Variants in FGFR1 observed in about 807,000 individuals in gnomAD.
The protein encoded by FGFR1 is FGFR1/PLAG1 fusion.
In FGFR1, 18 loss-of-function variants were observed where a neutral mutation model predicts 93.7. The ratio of observed to expected loss-of-function variants is 0.19; its 90% CI spans 0.13 to 0.28. FGFR1 has a LOEUF of 0.28. Ranked by LOEUF, FGFR1 falls within the 10% of genes least tolerant of loss-of-function variation. FGFR1 has a pLI of 1.00. For missense variants in FGFR1, 731 were observed against 1,080.4 expected (o/e 0.68, Z 4.53); for synonymous variants, 448 against 429.3 (o/e 1.04, Z -0.54).
intron 13 of FGFR1, 134 bp from the exon 14 acceptor site, chr8:38,415,035 G>T: frequency 1.5e-6 from 1 of 681,364 alleles, no homozygotes; most frequent in Non-Finnish European, 2.5e-6. Flanking sequence ...CCGAACCTTT[G>T]CTTTCCCTCT....
intron 2 of FGFR1, among the ~76,000 whole-genome samples, chr8:38,455,419 T>C (rs898679508): frequency 6.6e-6 from 1 of 151,938 alleles, no homozygotes; most frequent in African/African-American, 2.4e-5. Context: ...GGAGCTGGAG[T>C]AGCTGGGACT....
chr8:38,424,435 A>G lies in FGFR1; in HGVS notation c.936+74T>C. On this transcript the variant is annotated intron_variant, in intron 7 of 17. Coordinates refer to ENST00000447712, the MANE Select transcript of FGFR1 (RefSeq NM_023110.3). This position sits in a 1 kb window ranked among gnomAD's most constrained non-coding sequence, Gnocchi z 4.3. The stretch of plus-strand genomic sequence containing the variant: ...CATTCGGGGGCAACTGAGCCTGCCC[A>G]CAGGAACTTGAGCCCCCGAGACAGT... The G allele has an allele frequency of 1.9e-6, 3 of 1,558,222 alleles. No homozygotes were observed. The highest frequency in any genetic ancestry group is 2.7e-6 in the Non-Finnish European group (3 of 1,129,678).
At chr8:38,440,271 C>G in intron 2 of FGFR1, 1 of 1,579,112 alleles carries the variant, frequency 6.3e-7, no homozygotes, top group Non-Finnish European at 8.6e-7. Context: ...TTTTTTATTA[C>G]GTATTTTGGC....
At chr8:38,442,061 G>GACT (rs1827668473) in intron 2 of FGFR1, among the ~76,000 whole-genome samples, 1 of 152,138 alleles carries the variant, frequency 6.6e-6, no homozygotes, top group Non-Finnish European at 1.5e-5. Flanking sequence ...TTAAGACTGT[G>GACT]ACTAGCAACT....
At chr8:38,462,595 T>C (rs1038874854) in intron 1 of FGFR1, among the ~76,000 whole-genome samples, 1 of 152,178 alleles carries the variant, frequency 6.6e-6, no homozygotes, top group African/African-American at 2.4e-5. Context: ...ACTCATGTTA[T>C]AATGTTATAT....
chr8:38,467,619 G>C (rs1835834523), intron 1 of FGFR1: 1 of 235,072 alleles, frequency 4.3e-6, no homozygotes, highest in East Asian at 6.0e-5. Context: ...CCCAGTCCAG[G>C]AAACCGCGGG....
At chr8:38,419,798 C>G (rs2150719421) in intron 8 of FGFR1, 63 bp from the exon 9 acceptor site, 1 of 1,457,448 alleles carries the variant, frequency 6.9e-7, no homozygotes, top group Non-Finnish European at 9.5e-7. Flanking sequence ...AGGTCCCGCT[C>G]CATTAGAAAA....
rs2150717509 is a variant in FGFR1 at position 38,419,761 on chromosome 8, G to A, written c.1082-26C>T. 3 of 1,609,870 alleles carry A rather than the reference G, an allele frequency of 1.9e-6. 1 individual carries two copies. In the South Asian group the frequency reaches 3.3e-5, roughly 18 times the overall value. On this transcript the variant is annotated intron_variant, in intron 8 of 17. Transcript: ENST00000447712. Reference sequence around the variant, plus strand: ...CTGAGTCAGTGCGAACAGGGTGTTAGCAGGCTTGGAGGGCCCCGTCCATGC... The same window carrying A: ...CTGAGTCAGTGCGAACAGGGTGTTAACAGGCTTGGAGGGCCCCGTCCATGC...
rs370205081 is a variant in FGFR1, at chr8:38,419,654, G to A, written c.1163C>T (p.Ser388Phe). The change falls in exon 9 of 18, where the codon TCC becomes TTC. Residue 388 changes from serine (S) to phenylalanine (F), a missense_variant. Physicochemically the swap from Ser to Phe is radical, Grantham distance 155. Around this residue, in one of 10 missense-constraint regions of FGFR1, gnomAD observed 146 missense variants for 173.0 expected, o/e 0.84. Transcript: ENST00000447712. ...IIYCTGAFLI[S>F]CMVGSVIVYK... ...GACGATGACCGACCCCACCATGCAG[G>A]AGATGAGGAAGGCCCCTGTGCAATA... 69 of 1,614,012 alleles carry A rather than the reference G, an allele frequency of 4.3e-5. No homozygotes were observed. Among genetic ancestry groups the A allele is most frequent in the Middle Eastern group, 1.6e-4 (1 of 6,084 alleles).
chr8:38,445,198 G>A (rs901875780), intron 2 of FGFR1, among the ~76,000 whole-genome samples: 1 of 152,186 alleles, frequency 6.6e-6, no homozygotes, highest in African/African-American at 2.4e-5. Flanking sequence ...GAAGTGAAGA[G>A]CCCTCAACTG....
At chr8:38,448,569 T>A (rs1034599375) in intron 2 of FGFR1, among the ~76,000 whole-genome samples, 2 of 152,224 alleles carry the variant, frequency 1.3e-5, no homozygotes, top group African/African-American at 4.8e-5. Context: ...ATATACTTGC[T>A]GACTATAGAG....
In FGFR1 at chr8:38,413,513, G is replaced by T; in HGVS notation, c.*115C>A. 8.1e-7 allele frequency: 1 copy of T among 1,238,548 alleles called. No homozygotes were observed. 76.7% of individuals were successfully genotyped at this position (1,238,548 alleles called of 1,614,324 possible). The stretch of plus-strand genomic sequence containing the variant: ...CACACAGGAAGGCCCCTGGTAGGCA[G>T]CCGGCTCCTGCCAGCAGGAAAGGGG... On this transcript the variant is annotated 3_prime_UTR_variant, in exon 18 of 18. Transcript: ENST00000447712. This position sits in a 1 kb window ranked among gnomAD's most constrained non-coding sequence, Gnocchi z 4.2.
In FGFR1 at chr8:38,458,942, G is replaced by C. The variant is rs17175729; in HGVS notation, c.-88-1408C>G. On this transcript the variant is annotated intron_variant, in intron 1 of 17. Transcript: ENST00000447712. The stretch of plus-strand genomic sequence containing the variant: ...TGACGGATATGAGTCCAGAAGTTGC[G>C]GGGGGCAAGGGGGCCTGGGAGGTCC... 3.0e-4 allele frequency: 66 copies of C among 217,986 alleles called. No homozygotes were observed. In the South Asian group the frequency reaches 0.012, roughly 40 times the overall value. 13.5% of individuals were successfully genotyped at this position (217,986 alleles called of 1,614,324 possible).
chr8:38,459,444 A>G (rs970903922), intron 1 of FGFR1, among the ~76,000 whole-genome samples: 3 of 152,220 alleles, frequency 2.0e-5, no homozygotes, highest in East Asian at 3.8e-4. Flanking sequence ...TGTTTTAATG[A>G]TTTCAAATCA....
chr8:38,446,617 G>A lies in FGFR1; in HGVS notation c.91+10739C>T, dbSNP rs965981343. ...TTTGTAGAGATGGGGTTTATGCCAT[G>A]TTGCCCAAGCGGGTCTTCTGAGCTC... is the stretch of plus-strand genomic sequence containing the variant. On this transcript the variant is annotated intron_variant, in intron 2 of 17. Coordinates refer to ENST00000447712, the MANE Select transcript of FGFR1 (RefSeq NM_023110.3). Among the ~76,000 whole-genome samples the A allele has an allele frequency of 6.6e-5, 10 of 152,158 alleles. No homozygotes were observed. In the East Asian group the frequency reaches 1.9e-3, roughly 29 times the overall value.
chr8:38,426,501 T>C lies in FGFR1; in HGVS notation c.622-256A>G, dbSNP rs1298702457. ...CAAGATCATTCGTGATCCGGACAGATGTGCCTTCTGCAAACACTCCCAAAT... is the reference window on the plus strand; with the variant it reads ...CAAGATCATTCGTGATCCGGACAGACGTGCCTTCTGCAAACACTCCCAAAT... On this transcript the variant is annotated intron_variant, in intron 5 of 17. Transcript: ENST00000447712. This position sits in a 1 kb window ranked among gnomAD's most constrained non-coding sequence, Gnocchi z 4.1. Among the ~76,000 whole-genome samples, 1 of 152,224 alleles carries C rather than the reference T, an allele frequency of 6.6e-6. No homozygotes were observed. Among genetic ancestry groups the C allele is most frequent in the Non-Finnish European group, 1.5e-5 (1 of 68,042 alleles).
chr8:38,428,754 T>G, intron 3 of FGFR1: 1 of 415,584 alleles, frequency 2.4e-6, no homozygotes, highest in Non-Finnish European at 4.5e-6. Context: ...CACCTGGGTG[T>G]GCTGGAGCCA....
chr8:38,417,859 G>A lies in FGFR1; in HGVS notation c.1552+11C>T, dbSNP rs1817262031. On this transcript the variant is annotated intron_variant, in intron 11 of 17. Transcript: ENST00000447712. ...CAAGATTTTCTTTGCAAGGACAGAA[G>A]CATCACTTACACTTCAACATCTTCA... 2.5e-6 allele frequency: 4 copies of A among 1,614,214 alleles called. No individual in the cohort carries two copies. The highest frequency in any genetic ancestry group is 3.4e-6 in the Non-Finnish European group (4 of 1,180,044).
chr8:38,457,100 C>T (rs1390402931), intron 2 of FGFR1, among the ~76,000 whole-genome samples: 1 of 152,212 alleles, frequency 6.6e-6, no homozygotes, highest in African/African-American at 2.4e-5. Flanking sequence ...TTACCCCCCA[C>T]AAACATGTCA....
Sources: gnomAD v4.1 joint callset for allele counts (sites outside exome capture counted in the v4.1 genomes callset) on GRCh38, gnomAD v4.1.1 for gene constraint, gnomAD v4.1.1 regional missense constraint, Gnocchi (gnomAD v3.1) non-coding constraint, MANE v1.5 for transcripts, NCBI Gene and HGNC (gene_info 2026-07-23, HGNC 2026-07-21) for gene names.